Variants in ARHGAP42 observed in about 807,000 individuals in gnomAD.
The protein encoded by ARHGAP42 is Rho GTPase activating protein 42.
In ARHGAP42, 63 loss-of-function variants were observed where a neutral mutation model predicts 125.0. The ratio of observed to expected loss-of-function variants is 0.50; its 90% CI spans 0.41 to 0.62. The LOEUF (loss-of-function observed/expected upper bound fraction) is 0.62. Ranked by LOEUF, ARHGAP42 falls within the 20% of genes least tolerant of loss-of-function variation. The probability of loss-of-function intolerance (pLI) is 0.00; values close to 1 mark genes in which losing one functional copy is unlikely to be tolerated. For synonymous variants in ARHGAP42, 339 were observed against 351.0 expected (o/e 0.97, Z 0.38); for missense variants, 766 against 1,024.2 (o/e 0.75, Z 3.44).
chr11:100,893,967 C>T (rs1375782478), intron 4 of ARHGAP42, among the ~76,000 whole-genome samples: 1 of 151,942 alleles, frequency 6.6e-6, no homozygotes, highest in South Asian at 2.1e-4. Flanking sequence ...AATGAATCAC[C>T]CCATGCCTGA....
intron 8 of ARHGAP42, among the ~76,000 whole-genome samples, chr11:100,938,004 G>A (rs537126679): frequency 6.6e-6 from 1 of 151,394 alleles, no homozygotes; most frequent in East Asian, 1.9e-4. Flanking sequence ...ACTTCTCTGG[G>A]TCATTCTAGA....
intron 2 of ARHGAP42, among the ~76,000 whole-genome samples, chr11:100,778,273 C>G (rs2010738117): frequency 6.6e-6 from 1 of 151,906 alleles, no homozygotes; most frequent in Admixed American, 6.6e-5. Flanking sequence ...ATGCCATTAT[C>G]AACCACAGCT....
intron 10 of ARHGAP42, among the ~76,000 whole-genome samples, chr11:100,945,461 A>G (rs185036214): frequency 1.3e-5 from 2 of 152,276 alleles, no homozygotes; most frequent in Non-Finnish European, 2.9e-5. Flanking sequence ...CAGATCCATT[A>G]GAGGAATCAC....
In ARHGAP42 at chr11:100,976,928, C is replaced by G; in HGVS notation, c.2350C>G (p.Leu784Val). The change falls in exon 21 of 24, where the codon CTA becomes GTA. Residue 784 changes from leucine (L) to valine (V), a missense_variant. Physicochemically the swap from Leu to Val is conservative, Grantham distance 32. Around this residue, in one of 3 missense-constraint regions of ARHGAP42, gnomAD observed 308 missense variants for 369.7 expected, o/e 0.83. Coordinates refer to ENST00000298815, the MANE Select transcript of ARHGAP42 (RefSeq NM_152432.4). ...TCCGAAAATGTGCAGGAGATTAAGACTAGACACTGCCTCAAGCAATGGCTA... is the reference window on the plus strand; with the variant it reads ...TCCGAAAATGTGCAGGAGATTAAGAGTAGACACTGCCTCAAGCAATGGCTA... ...LPPKMCRRLR[L>V]DTASSNGYQR... 1.9e-6 allele frequency: 3 copies of G among 1,551,482 alleles called. No homozygotes were observed. Among genetic ancestry groups the G allele is most frequent in the Non-Finnish European group, 2.6e-6 (3 of 1,146,828 alleles).
chr11:100,793,604 A>T (rs969576900), intron 2 of ARHGAP42, among the ~76,000 whole-genome samples: 5 of 152,214 alleles, frequency 3.3e-5, no homozygotes, highest in Non-Finnish European at 7.3e-5. Context: ...TTAATTCTTA[A>T]ATGGAAAATA....
intron 1 of ARHGAP42, among the ~76,000 whole-genome samples, chr11:100,689,788 G>T (rs6590809): frequency 0.12 from 18,952 of 152,182 alleles, 1,281 homozygotes; most frequent in African/African-American, 0.15. Flanking sequence ...AAAAGGAAAA[G>T]ATTTTATTCC....
chr11:100,895,042 T>C (rs775204152), intron 4 of ARHGAP42, among the ~76,000 whole-genome samples: 1 of 152,296 alleles, frequency 6.6e-6, no homozygotes, highest in South Asian at 2.1e-4. Flanking sequence ...AACCAAATTC[T>C]TACCTATACT....
At chr11:100,733,821 T>C (rs1862003439) in intron 1 of ARHGAP42, among the ~76,000 whole-genome samples, 1 of 76,378 alleles carries the variant, frequency 1.3e-5, no homozygotes, top group Non-Finnish European at 2.3e-5. Flanking sequence ...CAAGATTCTG[T>C]CTGGAAAAAA....
intron 3 of ARHGAP42, among the ~76,000 whole-genome samples, chr11:100,858,110 TGTGTGTG>T (rs1865364909): frequency 6.7e-6 from 1 of 148,410 alleles, no homozygotes; most frequent in East Asian, 2.0e-4. Context: ...TGTGTGTGTG[TGTGTGTG>T]TGTGTGTTTA....
intron 15 of ARHGAP42, 72 bp from the exon 16 acceptor site, chr11:100,962,337 A>G: frequency 1.6e-6 from 2 of 1,214,464 alleles, no homozygotes; most frequent in Non-Finnish European, 2.3e-6. Context: ...TAATTCTTAA[A>G]GAAACACTTA....
At chr11:100,972,181 G>T (rs1192061127) in intron 17 of ARHGAP42, among the ~76,000 whole-genome samples, 1 of 152,134 alleles carries the variant, frequency 6.6e-6, no homozygotes, top group African/African-American at 2.4e-5. Flanking sequence ...ACTTTTGGTT[G>T]TAGAATGCAG....
chr11:100,929,986 A>C (rs1478713811), intron 6 of ARHGAP42, among the ~76,000 whole-genome samples: 1 of 152,150 alleles, frequency 6.6e-6, no homozygotes, highest in East Asian at 1.9e-4. Context: ...AGTTTTTCCA[A>C]CTGGTTGGGT....
At chr11:100,715,771 T>C (rs1327823645) in intron 1 of ARHGAP42, among the ~76,000 whole-genome samples, 1 of 152,246 alleles carries the variant, frequency 6.6e-6, no homozygotes, top group Non-Finnish European at 1.5e-5. Context: ...CAGGGATTGA[T>C]ACTGGTGCAC....
At chr11:100,808,527 T>A (rs1864058287) in intron 3 of ARHGAP42, among the ~76,000 whole-genome samples, 1 of 148,948 alleles carries the variant, frequency 6.7e-6, no homozygotes, top group South Asian at 2.2e-4. Context: ...TGCCTCAGCC[T>A]CCCGAGTAGC....
At chr11:100,982,391 G>A (rs1858567052) in intron 22 of ARHGAP42, among the ~76,000 whole-genome samples, 1 of 152,182 alleles carries the variant, frequency 6.6e-6, no homozygotes, top group African/African-American at 2.4e-5. Flanking sequence ...GCCTCGGGAA[G>A]CTGCATTTTT....
chr11:100,993,710 CAAATT>C lies in ARHGAP42; in HGVS notation c.*4912_*4916del. 1 of 167,112 alleles carries C rather than the reference CAAATT, an allele frequency of 6.0e-6. No homozygotes were observed. Among genetic ancestry groups the C allele is most frequent in the East Asian group, 1.9e-4 (1 of 5,190 alleles). The allele number at this position is 167,112 out of a possible 1,614,324, so 10.4% of individuals were successfully genotyped here. On this transcript the variant is annotated 3_prime_UTR_variant, in exon 24 of 24. Transcript: ENST00000298815. Reference sequence around the variant, plus strand: ...AGCTTCTTTGCAGTCATTAACATGACAAATTAAGTAATAAATATAAAAGTGATTGT... The same window carrying C: ...AGCTTCTTTGCAGTCATTAACATGACAAGTAATAAATATAAAAGTGATTGT...
intron 4 of ARHGAP42, among the ~76,000 whole-genome samples, chr11:100,907,441 A>G (rs1027217307): frequency 6.6e-6 from 1 of 152,186 alleles, no homozygotes; most frequent in Admixed American, 6.5e-5. Context: ...AGCAAGAGAT[A>G]TGGTGAATTA....
At chr11:100,914,822 C>T (rs1186557567) in intron 5 of ARHGAP42, among the ~76,000 whole-genome samples, 2 of 152,122 alleles carry the variant, frequency 1.3e-5, no homozygotes, top group Non-Finnish European at 2.9e-5. Context: ...TTTCTTATTT[C>T]TCCTACCTCT....
At chr11:100,911,877 A>C (rs1026369399) in intron 4 of ARHGAP42, among the ~76,000 whole-genome samples, 12 of 152,264 alleles carry the variant, frequency 7.9e-5, no homozygotes, top group African/African-American at 2.6e-4. Context: ...TTAGGTAATA[A>C]GAATTATTTG....
Sources: gnomAD v4.1 joint callset for allele counts (sites outside exome capture counted in the v4.1 genomes callset) on GRCh38, gnomAD v4.1.1 for gene constraint, gnomAD v4.1.1 regional missense constraint, MANE v1.5 for transcripts, NCBI Gene and HGNC (gene_info 2026-07-23, HGNC 2026-07-21) for gene names.